The following ERBB4 variants were observed in gnomAD, a reference collection of about 807,000 sequenced individuals.
The protein encoded by ERBB4 is erb-b2 receptor tyrosine kinase 4, also known as receptor tyrosine-protein kinase erbB-4.
A neutral mutation model predicts 158.0 loss-of-function variants in ERBB4; 42 were observed. The ratio of observed to expected loss-of-function variants is 0.27; its 90% CI spans 0.21 to 0.34. The LOEUF is 0.34. Ranked by LOEUF, ERBB4 falls within the 10% of genes least tolerant of loss-of-function variation. The pLI is 1.00. For missense variants in ERBB4, 1,333 were observed against 1,624.1 expected, an observed-to-expected ratio of 0.82 and a Z score of 3.08; for synonymous variants, 583 against 558.7, an observed-to-expected ratio of 1.04 and a Z score of -0.61.
At chr2:212,528,792 A>G (rs572584798) in intron 1 of ERBB4, among the ~76,000 whole-genome samples, 1 of 152,236 alleles carries the variant, frequency 6.6e-6, no homozygotes, top group East Asian at 1.9e-4. Flanking sequence ...CGTAGAGTGA[A>G]TCATCTAAAA....
intron 1 of ERBB4, among the ~76,000 whole-genome samples, chr2:212,325,212 A>G (rs555953666): frequency 1.3e-5 from 2 of 150,778 alleles, no homozygotes; most frequent in South Asian, 4.2e-4. Flanking sequence ...TAAACCTTAA[A>G]CTGTAGTGAC....
At chr2:212,415,016 G>A (rs751296902) in intron 1 of ERBB4, among the ~76,000 whole-genome samples, 1 of 152,220 alleles carries the variant, frequency 6.6e-6, no homozygotes, top group South Asian at 2.1e-4. Context: ...ATGCTTTTTT[G>A]TTTGTAACAA....
At chr2:211,995,744 TAC>T (rs2082186540) in intron 2 of ERBB4, among the ~76,000 whole-genome samples, 1 of 152,168 alleles carries the variant, frequency 6.6e-6, no homozygotes, top group Non-Finnish European at 1.5e-5. Flanking sequence ...AGTCCCTCCT[TAC>T]ACACCCAGTT....
intron 2 of ERBB4, among the ~76,000 whole-genome samples, chr2:212,039,197 A>G (rs1414653613): frequency 6.6e-6 from 1 of 152,180 alleles, no homozygotes; most frequent in African/African-American, 2.4e-5. Flanking sequence ...CTAGCAGAGG[A>G]AAGAGAAGAG....
chr2:212,428,604 T>C (rs1453691194), intron 1 of ERBB4, among the ~76,000 whole-genome samples: 1 of 152,150 alleles, frequency 6.6e-6, no homozygotes, highest in Non-Finnish European at 1.5e-5. Context: ...GTGCAAAACA[T>C]TGTACCTATA....
chr2:212,259,320 A>G (rs895229196), intron 1 of ERBB4, among the ~76,000 whole-genome samples: 1 of 152,174 alleles, frequency 6.6e-6, no homozygotes, highest in Non-Finnish European at 1.5e-5. Context: ...ACTACTTGAA[A>G]AGCCAATGAG....
intron 1 of ERBB4, among the ~76,000 whole-genome samples, chr2:212,168,995 G>A (rs1380117790): frequency 6.6e-6 from 1 of 152,146 alleles, no homozygotes; most frequent in Non-Finnish European, 1.5e-5. Flanking sequence ...CCTATAAATA[G>A]ATAAAGTATT....
chr2:212,370,209 T>TCC (rs2090039438), intron 1 of ERBB4, among the ~76,000 whole-genome samples: 1 of 152,184 alleles, frequency 6.6e-6, no homozygotes, highest in African/African-American at 2.4e-5. Context: ...ATAAGGGGCT[T>TCC]CCCCCTTCAC....
chr2:212,156,964 C>T (rs1466009443), intron 1 of ERBB4, among the ~76,000 whole-genome samples: 1 of 152,066 alleles, frequency 6.6e-6, no homozygotes. Flanking sequence ...GTCTCCTGTG[C>T]TTAAACCCTG....
intron 1 of ERBB4, among the ~76,000 whole-genome samples, chr2:212,508,822 A>G (rs1301027120): frequency 1.3e-5 from 2 of 152,082 alleles, no homozygotes; most frequent in African/African-American, 4.8e-5. Context: ...AAGCTTTAAA[A>G]ATGAGTATAT....
At position 211,379,414 on chromosome 2, in the gene ERBB4, G is replaced by GA. The variant is rs1311827151; in HGVS notation, c.*4200dup. On this transcript the variant is annotated 3_prime_UTR_variant, in exon 28 of 28. Coordinates refer to ENST00000342788, the MANE Select transcript of ERBB4 (RefSeq NM_005235.3). Reference sequence around the variant, plus strand: ...AAGTGATAAAGGAATAAGAGAATGAGAAAAAATTGTTCATTGTAATGCTTT... The same window carrying GA: ...AAGTGATAAAGGAATAAGAGAATGAGAAAAAAATTGTTCATTGTAATGCTTT... The GA allele has an allele frequency of 1.3e-5, 3 of 229,310 alleles. No homozygotes were observed. The highest frequency in any genetic ancestry group is 4.4e-5 in the African/African-American group (2 of 45,110). 14.2% of individuals were successfully genotyped at this position (229,310 alleles called of 1,614,324 possible).
intron 1 of ERBB4, among the ~76,000 whole-genome samples, chr2:212,321,981 G>C (rs1247512609): frequency 6.7e-6 from 1 of 150,118 alleles, no homozygotes; most frequent in Non-Finnish European, 1.5e-5. Flanking sequence ...ATAATTAATA[G>C]AGAATAATAC....
chr2:211,433,370 A>T (rs1050399271), intron 20 of ERBB4, among the ~76,000 whole-genome samples: 1 of 152,004 alleles, frequency 6.6e-6, no homozygotes, highest in Non-Finnish European at 1.5e-5. Context: ...TCACGAGGTC[A>T]GGAGATCGAG....
At chr2:212,106,161 CAGTT>C (rs2079221048) in intron 2 of ERBB4, among the ~76,000 whole-genome samples, 1 of 152,070 alleles carries the variant, frequency 6.6e-6, no homozygotes, top group South Asian at 2.1e-4. Flanking sequence ...CAGATTGGAA[CAGTT>C]TGGAGGGCTC....
At chr2:211,396,118 G>A (rs975550581) in intron 25 of ERBB4, among the ~76,000 whole-genome samples, 1 of 151,876 alleles carries the variant, frequency 6.6e-6, no homozygotes, top group Non-Finnish European at 1.5e-5. Context: ...TACTATCAGC[G>A]AAGACTTAAA....
intron 20 of ERBB4, chr2:211,561,695 G>T: frequency 1.8e-6 from 1 of 566,296 alleles, no homozygotes; most frequent in Non-Finnish European, 3.1e-6. Flanking sequence ...CAATAAAAAT[G>T]ATACAACACA....
intron 1 of ERBB4, among the ~76,000 whole-genome samples, chr2:212,149,471 A>G (rs1559600282): frequency 6.6e-6 from 1 of 152,222 alleles, no homozygotes; most frequent in African/African-American, 2.4e-5. Flanking sequence ...AAATCGGATA[A>G]TATTTGAAGG....
chr2:212,077,164 T>C (rs1575601702), intron 2 of ERBB4, among the ~76,000 whole-genome samples: 1 of 152,100 alleles, frequency 6.6e-6, no homozygotes, highest in East Asian at 1.9e-4. Context: ...TATGGGACAA[T>C]GGGAAGACTT....
intron 16 of ERBB4, among the ~76,000 whole-genome samples, chr2:211,637,383 TA>T (rs1251996804): frequency 6.6e-6 from 1 of 151,916 alleles, no homozygotes; most frequent in Non-Finnish European, 1.5e-5. Context: ...GTATATAATT[TA>T]AACATAGCAA....
Sources: gnomAD v4.1 joint callset for allele counts (sites outside exome capture counted in the v4.1 genomes callset) on GRCh38, gnomAD v4.1.1 for gene constraint, MANE v1.5 for transcripts, NCBI Gene and HGNC (gene_info 2026-07-23, HGNC 2026-07-21) for gene names.